The following MPRIP variants were observed in gnomAD, a reference collection of about 807,000 sequenced individuals.
The protein encoded by MPRIP is myosin phosphatase Rho interacting protein, also known as myosin phosphatase Rho-interacting protein.
Under a neutral mutation model 234.9 loss-of-function variants are expected in MPRIP, and 59 were observed. The observed-to-expected ratio is 0.25, with a 90% CI of 0.20 to 0.31. The LOEUF is 0.31. MPRIP is among the 10% of genes least tolerant of loss of function. The pLI is 1.00. For synonymous variants in MPRIP, 1,144 were observed against 1,263.9 expected, an observed-to-expected ratio of 0.91 and a Z score of 2.01; for missense variants, 2,436 against 3,071.0, an observed-to-expected ratio of 0.79 and a Z score of 4.89.
intron 9 of MPRIP, among the ~76,000 whole-genome samples, chr17:17,144,730 C>T (rs936036320): frequency 1.3e-5 from 2 of 152,188 alleles, no homozygotes; most frequent in Admixed American, 6.5e-5. Flanking sequence ...GTGTCGCGCT[C>T]CTGTAGTCCC....
At chr17:17,160,983 G>A (rs1402457236) in intron 14 of MPRIP, among the ~76,000 whole-genome samples, 1 of 152,196 alleles carries the variant, frequency 6.6e-6, no homozygotes, top group East Asian at 1.9e-4. Context: ...GGGCATCCAG[G>A]GGTGCCTGGA....
chr17:17,152,453 C>T (rs1398357726), intron 12 of MPRIP, among the ~76,000 whole-genome samples: 2 of 152,256 alleles, frequency 1.3e-5, no homozygotes, highest in Admixed American at 6.5e-5. Context: ...TAGGGCTTAT[C>T]CTGATGACTT....
intron 3 of MPRIP, among the ~76,000 whole-genome samples, chr17:17,114,595 G>C (rs974032553): frequency 1.3e-5 from 2 of 152,238 alleles, no homozygotes; most frequent in Non-Finnish European, 2.9e-5. Flanking sequence ...ATATGGTGTA[G>C]TGTCACCCTT....
chr17:17,127,930 G>T (rs887709296), intron 4 of MPRIP, among the ~76,000 whole-genome samples: 2 of 152,120 alleles, frequency 1.3e-5, no homozygotes, highest in African/African-American at 4.8e-5. Context: ...TCTCTGCGGG[G>T]GTGTGCTCTC....
At chr17:17,115,049 G>A (rs988350024) in intron 3 of MPRIP, among the ~76,000 whole-genome samples, 4 of 152,272 alleles carry the variant, frequency 2.6e-5, no homozygotes, top group Non-Finnish European at 5.9e-5. Context: ...CCCACGCACT[G>A]CAGCACCAAG....
At position 17,164,533 on chromosome 17, in the gene MPRIP, C is replaced by T. The variant is rs1233258449; in HGVS notation, c.2942C>T (p.Ala981Val). The T allele has an allele frequency of 1.1e-5, 13 of 1,208,524 alleles. No individual in the cohort carries two copies. Among genetic ancestry groups the T allele is most frequent in the Non-Finnish European group, 1.4e-5 (13 of 947,132 alleles). 74.9% of individuals were successfully genotyped at this position (1,208,524 alleles called of 1,614,324 possible). Residue 981 changes from alanine to valine, a missense_variant, in exon 16 of 24, where the codon GCG (alanine) becomes GTG (valine). Physicochemically the swap from Ala to Val is moderately conservative, Grantham distance 64. Coordinates refer to ENST00000651222, the MANE Select transcript of MPRIP (RefSeq NM_001364716.4). ...QELRGLETQQ[A>V]LQRDRQKEVQ... ...CTACGGGGCCTGGAGACACAGCAGGCGCTGCAGCGGGACCGGCAGAAGGAG... is the reference window on the plus strand; with the variant it reads ...CTACGGGGCCTGGAGACACAGCAGGTGCTGCAGCGGGACCGGCAGAAGGAG...
intron 2 of MPRIP, 152 bp downstream of exon 2, chr17:17,075,939 G>T: frequency 1.5e-6 from 1 of 687,166 alleles, no homozygotes; most frequent in Non-Finnish European, 2.5e-6. Context: ...GCACTTGTAC[G>T]TTGTACAGAA....
chr17:17,170,358 G>A (rs1468042462), intron 16 of MPRIP, among the ~76,000 whole-genome samples: 1 of 152,196 alleles, frequency 6.6e-6, no homozygotes, highest in East Asian at 1.9e-4. Flanking sequence ...TGAGGTGTGA[G>A]GGTGGCAGAA....
Position 17,075,298 on chromosome 17 carries a change from C to T in MPRIP, c.124-412C>T, listed in dbSNP as rs528083860. ...TCACGAAAGCAGTCTCTTCTCCAGGCCCTGTTTTGTATCTTCAGGATGAAG... is the reference window on the plus strand; with the variant it reads ...TCACGAAAGCAGTCTCTTCTCCAGGTCCTGTTTTGTATCTTCAGGATGAAG... On this transcript the variant is annotated intron_variant, in intron 1 of 23. Transcript: ENST00000651222. Among the ~76,000 whole-genome samples, 3 of 152,276 alleles carry T rather than the reference C, an allele frequency of 2.0e-5. No individual in the cohort carries two copies. In the East Asian group the frequency reaches 5.8e-4, roughly 29 times the overall value.
chr17:17,177,638 A>C (rs576242153), intron 22 of MPRIP, among the ~76,000 whole-genome samples: 14 of 152,344 alleles, frequency 9.2e-5, no homozygotes, highest in African/African-American at 2.9e-4. Flanking sequence ...GGGAGAACCC[A>C]TAGTATCAGC....
intron 4 of MPRIP, among the ~76,000 whole-genome samples, chr17:17,127,058 G>A (rs1213161766): frequency 6.6e-6 from 1 of 152,144 alleles, no homozygotes; most frequent in Non-Finnish European, 1.5e-5. Context: ...AGCCTCTGGG[G>A]CCCCTCTTTG....
intron 3 of MPRIP, among the ~76,000 whole-genome samples, chr17:17,118,691 G>C (rs2090332175): frequency 6.6e-6 from 1 of 151,602 alleles, no homozygotes; most frequent in African/African-American, 2.4e-5. Flanking sequence ...CCTAGGCGTG[G>C]TTGGCCTAAC....
At chr17:17,122,846 C>T (rs1243592855) in intron 3 of MPRIP, among the ~76,000 whole-genome samples, 1 of 152,234 alleles carries the variant, frequency 6.6e-6, no homozygotes, top group African/African-American at 2.4e-5. Flanking sequence ...CATATAGTTT[C>T]CATATGACCC....
intron 3 of MPRIP, among the ~76,000 whole-genome samples, chr17:17,101,796 A>G (rs916804893): frequency 6.6e-6 from 1 of 152,178 alleles, no homozygotes; most frequent in Non-Finnish European, 1.5e-5. Context: ...AGGTTTGCAG[A>G]CTGCTCAGGC....
In MPRIP at chr17:17,078,168, C is replaced by T. The variant is rs2089379866; in HGVS notation, c.267+92C>T. 4.8e-6 allele frequency: 6 copies of T among 1,255,796 alleles called. No individual in the cohort carries two copies. The highest frequency in any genetic ancestry group is 5.8e-6 in the Non-Finnish European group (5 of 861,130). 77.8% of individuals were successfully genotyped at this position (1,255,796 alleles called of 1,614,324 possible). On this transcript the variant is annotated intron_variant, in intron 3 of 23. Transcript: ENST00000651222. This position sits in a 1 kb window ranked among gnomAD's most constrained non-coding sequence, Gnocchi z 4.3. ...GCGTTGTCATGTGAGAGCACAGCAG[C>T]CATGTGCTCCTGCTTGTGTCTGTTT... is the stretch of plus-strand genomic sequence containing the variant.
chr17:17,171,572 C>G, intron 16 of MPRIP, 146 bp from the exon 17 acceptor site: 1 of 975,160 alleles, frequency 1.0e-6, no homozygotes, highest in Non-Finnish European at 1.5e-6. Context: ...GGATCCTGTT[C>G]AGGGCGCCCA....
Position 17,166,769 on chromosome 17 carries a change from G to C in MPRIP, c.5178G>C (p.Gln1726His), listed in dbSNP as rs748342204. The change falls in exon 16 of 24, where the codon CAG (glutamine) becomes CAC (histidine). Residue 1726 changes from glutamine to histidine, a missense_variant. Transcript: ENST00000651222. The surrounding 1 kb of genome is among the most constrained non-coding windows in gnomAD (Gnocchi z 4.4). ...QTPDFERVMQ[Q>H]VLEALRLPAG... The stretch of plus-strand genomic sequence containing the variant: ...CAGACTTTGAAAGAGTGATGCAGCA[G>C]GTCTTGGAAGCCCTCAGGCTTCCAG... 43 of 1,304,252 alleles carry C rather than the reference G, an allele frequency of 3.3e-5. No individual in the cohort carries two copies. In the East Asian group the frequency reaches 2.2e-3, roughly 66 times the overall value. The allele number at this position is 1,304,252 out of a possible 1,614,324, so 80.8% of individuals were successfully genotyped here.
intron 10 of MPRIP, 33 bp from the exon 11 acceptor site, chr17:17,147,284 GGT>G: frequency 6.2e-7 from 1 of 1,602,492 alleles, no homozygotes; most frequent in Non-Finnish European, 8.5e-7. Context: ...TATAGGAGTT[GGT>G]AGTCGAGTCA....
intron 13 of MPRIP, among the ~76,000 whole-genome samples, chr17:17,157,809 C>CG (rs947577882): frequency 6.8e-6 from 1 of 147,514 alleles, no homozygotes; most frequent in African/African-American, 2.5e-5. Context: ...GCCTGGGTAA[C>CG]AAGAGTGAAA....
Sources: allele counts gnomAD v4.1 joint callset (sites outside exome capture counted in the v4.1 genomes callset), GRCh38; gene constraint gnomAD v4.1.1; non-coding constraint Gnocchi (gnomAD v3.1); transcripts MANE v1.5; gene names NCBI Gene and HGNC (gene_info 2026-07-23, HGNC 2026-07-21).